Variants in NXN observed in about 807,000 individuals in gnomAD.
The protein encoded by NXN is nucleoredoxin 1.
Under a neutral mutation model 48.6 loss-of-function variants are expected in NXN, and 16 were observed. The observed-to-expected ratio is 0.33, with a 90% CI of 0.22 to 0.50. The LOEUF (loss-of-function observed/expected upper bound fraction) is 0.50. Among genes scored for constraint, NXN ranks in the 20% least tolerant of loss-of-function variants. The pLI, the probability that NXN is intolerant of heterozygous loss-of-function variation, is 0.98. For missense variants in NXN, 492 were observed against 605.5 expected, an observed-to-expected ratio of 0.81 and a Z score of 1.97; for synonymous variants, 281 against 269.6, an observed-to-expected ratio of 1.04 and a Z score of -0.41.
intron 1 of NXN, among the ~76,000 whole-genome samples, chr17:881,035 C>T (rs1597689864): frequency 6.6e-6 from 1 of 152,074 alleles, no homozygotes; most frequent in African/African-American, 2.4e-5. Flanking sequence ...GGAGTGCACA[C>T]TCTCAACAAG....
At chr17:896,856 C>CGG in intron 1 of NXN, 1 of 1,156,928 alleles carries the variant, frequency 8.6e-7, no homozygotes, top group Non-Finnish European at 1.1e-6. Flanking sequence ...CGGTCCTGAC[C>CGG]ACCCGCCCCC....
intron 7 of NXN, 70 bp downstream of exon 7, chr17:803,612 G>A: frequency 6.2e-7 from 1 of 1,600,496 alleles, no homozygotes; most frequent in Non-Finnish European, 8.5e-7. Context: ...CAACCCTGGG[G>A]CCAGGATCAG....
chr17:936,111 A>AAAAC (rs56743864), intron 1 of NXN, among the ~76,000 whole-genome samples: 2 of 147,596 alleles, frequency 1.4e-5, no homozygotes. Context: ...AAAAAAAAAA[A>AAAAC]CCTCCAGCTC....
chr17:844,195 T>C (rs1567829795), intron 1 of NXN, among the ~76,000 whole-genome samples: 1 of 145,320 alleles, frequency 6.9e-6, no homozygotes, highest in Non-Finnish European at 1.5e-5. Context: ...GACCAGGCCA[T>C]CCTACGTCCC....
At chr17:812,758 A>T (rs561719409) in intron 5 of NXN, among the ~76,000 whole-genome samples, 1 of 138,584 alleles carries the variant, frequency 7.2e-6, no homozygotes, top group African/African-American at 2.8e-5. Context: ...GAGAGTGTGC[A>T]TATGTGTGAG....
At chr17:810,161 C>CGTTACGAGTCTGTGACTGGCGTGCAT (rs1344897662) in intron 5 of NXN, among the ~76,000 whole-genome samples, 2 of 102,218 alleles carry the variant, frequency 2.0e-5, no homozygotes, top group Non-Finnish European at 3.8e-5. Context: ...CTGGCGTGCA[C>CGTTACGAGTCTGTGACTGGCGTGCAT]GTTACGAGTC....
chr17:930,217 G>C (rs536309449), intron 1 of NXN: 2 of 152,094 alleles, frequency 1.3e-5, no homozygotes, highest in African/African-American at 4.8e-5. Context: ...GCAGATCACC[G>C]TGAGGTCAAC....
intron 1 of NXN, among the ~76,000 whole-genome samples, chr17:865,115 A>T (rs2068082556): frequency 6.6e-6 from 1 of 152,164 alleles, no homozygotes; most frequent in Non-Finnish European, 1.5e-5. Context: ...TTCTCGCTCG[A>T]TATTGTCCAT....
intron 1 of NXN, among the ~76,000 whole-genome samples, chr17:927,288 AAAAAG>A (rs78873000): frequency 0.14 from 20,604 of 150,520 alleles, 1,470 homozygotes; most frequent in East Asian, 0.2. Flanking sequence ...AAAAAAAAGA[AAAAAG>A]AAAAGAAAAG....
intron 1 of NXN, among the ~76,000 whole-genome samples, chr17:881,636 T>TAC (rs1391686604): frequency 2.0e-5 from 3 of 152,202 alleles, no homozygotes; most frequent in African/African-American, 7.2e-5. Context: ...CATCAGTATT[T>TAC]ACCCAAGATA....
chr17:973,974 C>T (rs1303118453), intron 1 of NXN, among the ~76,000 whole-genome samples: 3 of 151,908 alleles, frequency 2.0e-5, no homozygotes, highest in Non-Finnish European at 4.4e-5. Context: ...CCACAGTGCC[C>T]GGCCATTGTA....
chr17:936,088 T>C (rs1845329499), intron 1 of NXN, among the ~76,000 whole-genome samples: 1 of 71,472 alleles, frequency 1.4e-5, no homozygotes, highest in Non-Finnish European at 2.7e-5. Context: ...CAAGATTCCA[T>C]CTCAAAAAAA....
chr17:838,487 G>A (rs943514677), intron 1 of NXN, among the ~76,000 whole-genome samples: 6 of 152,152 alleles, frequency 3.9e-5, no homozygotes, highest in Admixed American at 1.3e-4. Flanking sequence ...TTTGCAACCC[G>A]ACAGAGCTGA....
Position 928,278 on chromosome 17 carries a change from A to G in NXN, c.360+51041T>C, listed in dbSNP as rs536268243. Among the ~76,000 whole-genome samples, 50 of 152,258 alleles carry G rather than the reference A, an allele frequency of 3.3e-4. No individual in the cohort carries two copies. The South Asian group carries it at 0.01, about 32-fold the overall frequency. ...CCCAGCTAACTTCACATCTCATTCC[A>G]AAGAGTGGCAGTTTGGGTAACGTGC... On this transcript the variant is annotated intron_variant, in intron 1 of 7. Transcript: ENST00000336868.
At chr17:921,149 C>T (rs949498254) in intron 1 of NXN, among the ~76,000 whole-genome samples, 6 of 152,322 alleles carry the variant, frequency 3.9e-5, no homozygotes, top group African/African-American at 1.4e-4. Flanking sequence ...CAGCCACCCT[C>T]AGAGCAGCGG....
chr17:869,675 G>C (rs558412584), intron 1 of NXN, among the ~76,000 whole-genome samples: 8 of 152,256 alleles, frequency 5.3e-5, no homozygotes, highest in Non-Finnish European at 1.2e-4. Context: ...TTATTACAGA[G>C]CCCAGTTCTG....
At chr17:971,223 G>A (rs964494772) in intron 1 of NXN, among the ~76,000 whole-genome samples, 1 of 151,986 alleles carries the variant, frequency 6.6e-6, no homozygotes, top group African/African-American at 2.4e-5. Flanking sequence ...TGGGATTACA[G>A]GCGTGAGCCA....
intron 1 of NXN, among the ~76,000 whole-genome samples, chr17:826,769 C>T (rs1461277503): frequency 3.3e-5 from 5 of 152,194 alleles, no homozygotes; most frequent in Admixed American, 6.5e-5. Flanking sequence ...GGAAGCAATG[C>T]CCAGGGCCAG....
In NXN at chr17:920,402, A is replaced by G. The variant is rs886901180; in HGVS notation, c.360+58917T>C. Among the ~76,000 whole-genome samples, 22 of 146,000 alleles carry G rather than the reference A, an allele frequency of 1.5e-4. No individual in the cohort carries two copies. The highest frequency in any genetic ancestry group is 4.7e-4 in the Admixed American group (7 of 14,850). On this transcript the variant is annotated intron_variant, in intron 1 of 7. Transcript: ENST00000336868. The surrounding 1 kb of genome is among the most constrained non-coding windows in gnomAD (Gnocchi z 4.6). ...CTGGGGATACCTAGGCCCTCCTGTC[A>G]TGCCCCAAGGCCAATGTAGCCTTGG...
Sources: allele counts gnomAD v4.1 joint callset (sites outside exome capture counted in the v4.1 genomes callset), GRCh38; gene constraint gnomAD v4.1.1; non-coding constraint Gnocchi (gnomAD v3.1); transcripts MANE v1.5; gene names NCBI Gene and HGNC (gene_info 2026-07-23, HGNC 2026-07-21).